The following RECK variants were observed in gnomAD, a reference collection of about 807,000 sequenced individuals.
RECK encodes the protein reversion-inducing cysteine-rich protein with Kazal motifs.
Under a neutral mutation model 115.1 loss-of-function variants are expected in RECK, and 69 were observed. The observed-to-expected ratio is 0.60, with a 90% confidence interval of 0.49 to 0.73. The LOEUF (loss-of-function observed/expected upper bound fraction) is 0.73. RECK is among the 30% of genes least tolerant of loss of function. RECK has a pLI of 0.00. For synonymous variants in RECK, 414 were observed against 419.7 expected, an observed-to-expected ratio of 0.99 and a Z score of 0.17; for missense variants, 1,047 against 1,203.7, an observed-to-expected ratio of 0.87 and a Z score of 1.93.
chr9:36,047,896 G>C (rs774735313), intron 1 of RECK, among the ~76,000 whole-genome samples: 4 of 151,052 alleles, frequency 2.6e-5, no homozygotes, highest in Non-Finnish European at 4.4e-5. Flanking sequence ...CCTAGACCCT[G>C]TCGTTGTTTT....
At chr9:36,107,358 G>A (rs186436200) in intron 13 of RECK, among the ~76,000 whole-genome samples, 159 of 152,186 alleles carry the variant, frequency 1.0e-3, no homozygotes, top group African/African-American at 3.6e-3. Context: ...GGGAGGCTGA[G>A]GTAAGTGGAT....
At chr9:36,097,947 T>G (rs534649482) in intron 10 of RECK, among the ~76,000 whole-genome samples, 8 of 151,962 alleles carry the variant, frequency 5.3e-5, no homozygotes, top group Non-Finnish European at 8.8e-5. Flanking sequence ...TACTGCACAA[T>G]CTCACTTATA....
intron 10 of RECK, among the ~76,000 whole-genome samples, chr9:36,093,911 T>A (rs1044522347): frequency 1.3e-5 from 2 of 152,088 alleles, no homozygotes; most frequent in Admixed American, 6.6e-5. Flanking sequence ...ACAAGTGACT[T>A]CCTTTCAGAA....
chr9:36,100,116 A>AC (rs1166517002), intron 10 of RECK, among the ~76,000 whole-genome samples: 1 of 152,262 alleles, frequency 6.6e-6, no homozygotes, highest in African/African-American at 2.4e-5. Flanking sequence ...ACTGCCCCAC[A>AC]AGAATCTGTT....
chr9:36,119,115 G>T, intron 18 of RECK, 148 bp downstream of exon 18: 1 of 800,030 alleles, frequency 1.2e-6, no homozygotes, highest in East Asian at 2.7e-5. Context: ...CACTACTTTG[G>T]GTTGACCTTA....
chr9:36,087,297 A>T (rs1219259301), intron 8 of RECK, among the ~76,000 whole-genome samples: 2 of 152,234 alleles, frequency 1.3e-5, no homozygotes, highest in African/African-American at 4.8e-5. Context: ...TACACCATGG[A>T]ATACTATGCA....
At chr9:36,047,893 C>G (rs1257728059) in intron 1 of RECK, among the ~76,000 whole-genome samples, 1 of 150,966 alleles carries the variant, frequency 6.6e-6, no homozygotes, top group Admixed American at 6.6e-5. Context: ...CATCCTAGAC[C>G]CTGTCGTTGT....
intron 7 of RECK, 61 bp downstream of exon 7, chr9:36,080,699 A>C: frequency 6.9e-7 from 1 of 1,459,768 alleles, no homozygotes. Flanking sequence ...CATCTGAAGC[A>C]ATGTGCACAG....
At chr9:36,112,786 T>C (rs1824110680) in intron 16 of RECK, among the ~76,000 whole-genome samples, 1 of 152,036 alleles carries the variant, frequency 6.6e-6, no homozygotes, top group African/African-American at 2.4e-5. Context: ...GAAAAAGAAG[T>C]GGTAGTGAAG....
At position 36,121,600 on chromosome 9, in the gene RECK, C is replaced by T. The variant is rs1824462749; in HGVS notation, c.2606C>T (p.Pro869Leu). 4 of 1,613,950 alleles carry T rather than the reference C, an allele frequency of 2.5e-6. No individual in the cohort carries two copies. Among genetic ancestry groups the T allele is most frequent in the Non-Finnish European group, 3.4e-6 (4 of 1,179,936 alleles). The change falls in exon 20 of 21, where the codon CCA becomes CTA. Residue 869 changes from proline to leucine, a missense_variant. Physicochemically the swap from Pro to Leu is moderately conservative, Grantham distance 98 (BLOSUM62 -3). Coordinates refer to ENST00000377966, the MANE Select transcript of RECK (RefSeq NM_021111.3). Reference protein sequence around the residue: ...LQKIRMHVSVPQCDVFGYFSI... With the variant: ...LQKIRMHVSVLQCDVFGYFSI... ...AAAATCCGCATGCACGTGTCTGTCC[C>T]ACAGTGTGATGTGTTTGGATACTTC... is the stretch of plus-strand genomic sequence containing the variant.
chr9:36,086,086 GA>G (rs1822948091), intron 8 of RECK: 1 of 152,192 alleles, frequency 6.6e-6, no homozygotes, highest in African/African-American at 2.4e-5. Flanking sequence ...CAAAGTCAGA[GA>G]AAACTACTTC....
chr9:36,045,135 G>T (rs960499411), intron 1 of RECK, among the ~76,000 whole-genome samples: 1 of 152,194 alleles, frequency 6.6e-6, no homozygotes, highest in Non-Finnish European at 1.5e-5. Flanking sequence ...AGTATGACAA[G>T]ATGTTAGCAG....
intron 1 of RECK, among the ~76,000 whole-genome samples, chr9:36,039,643 G>A (rs528499420): frequency 2.0e-5 from 3 of 152,284 alleles, no homozygotes; most frequent in African/African-American, 7.2e-5. Flanking sequence ...TAATGGCTCC[G>A]TTTTTATTTA....
intron 12 of RECK, among the ~76,000 whole-genome samples, chr9:36,103,477 AAAGG>A (rs1337580487): frequency 6.6e-6 from 1 of 152,074 alleles, no homozygotes; most frequent in Non-Finnish European, 1.5e-5. Context: ...CAGAAGGTAA[AAAGG>A]AAGGGACAGA....
chr9:36,093,331 T>G (rs964704817), intron 10 of RECK, among the ~76,000 whole-genome samples: 7 of 152,102 alleles, frequency 4.6e-5, no homozygotes, highest in African/African-American at 7.2e-5. Flanking sequence ...ATAGGAAATA[T>G]GACCCATAGT....
At chr9:36,054,396 A>G (rs973815322) in intron 2 of RECK, among the ~76,000 whole-genome samples, 1 of 151,858 alleles carries the variant, frequency 6.6e-6, no homozygotes, top group Non-Finnish European at 1.5e-5. Context: ...GTAGCTTATC[A>G]TATTCAGCAA....
chr9:36,118,560 A>G (rs1330802983), intron 17 of RECK, among the ~76,000 whole-genome samples, 197 bp from the exon 18 acceptor site: 5 of 152,192 alleles, frequency 3.3e-5, no homozygotes, highest in Admixed American at 1.3e-4. Flanking sequence ...CTTTCAGCTC[A>G]TCTGGAGACA....
chr9:36,087,658 A>C (rs761165022), intron 8 of RECK, 36 bp from the exon 9 acceptor site: 62 of 1,588,204 alleles, frequency 3.9e-5, no homozygotes, highest in Non-Finnish European at 4.9e-5. Context: ...AACAAAAAAA[A>C]CAGCTAATTA....
rs1588273380 is a variant in RECK at position 36,053,262 on chromosome 9, C to A, written c.159+939C>A. 2.6e-5 allele frequency among the ~76,000 whole-genome samples: 4 copies of A among 152,122 alleles called. 1 individual carries two copies. The East Asian group carries it at 7.7e-4, about 29-fold the overall frequency. On this transcript the variant is annotated intron_variant, in intron 2 of 20. Transcript: ENST00000377966. ...TGAAGCACTACCCATTCATAAAGCC[C>A]TACCTTTCTTTCAGGCTTGGTCATG...
Sources: gnomAD v4.1 joint callset for allele counts (sites outside exome capture counted in the v4.1 genomes callset) on GRCh38, gnomAD v4.1.1 for gene constraint, MANE v1.5 for transcripts, NCBI Gene and HGNC (gene_info 2026-07-23, HGNC 2026-07-21) for gene names.